Variants in AMBRA1 observed in about 807,000 individuals in gnomAD.
The protein encoded by AMBRA1 is autophagy and beclin 1 regulator 1, also known as activating molecule in BECN1-regulated autophagy protein 1.
In AMBRA1, 47 loss-of-function variants were observed where a neutral mutation model predicts 125.4. The observed-to-expected ratio is 0.37, with a 90% CI of 0.30 to 0.48. The LOEUF (loss-of-function observed/expected upper bound fraction) is 0.48, where lower values mean the gene tolerates loss of function less well. Ranked by LOEUF, AMBRA1 falls within the 20% of genes least tolerant of loss-of-function variation. The pLI is 0.99. For synonymous variants in AMBRA1, 626 were observed against 655.5 expected, an observed-to-expected ratio of 0.95 and a Z score of 0.69; for missense variants, 1,331 against 1,693.4, an observed-to-expected ratio of 0.79 and a Z score of 3.76.
At chr11:46,405,971 G>T (rs963200534) in intron 17 of AMBRA1, among the ~76,000 whole-genome samples, 1 of 151,686 alleles carries the variant, frequency 6.6e-6, no homozygotes, top group African/African-American at 2.4e-5. Flanking sequence ...GGACTCAACA[G>T]ATCCTCCTGC....
At chr11:46,481,740 C>A (rs1466255071) in intron 11 of AMBRA1, among the ~76,000 whole-genome samples, 1 of 152,306 alleles carries the variant, frequency 6.6e-6, no homozygotes, top group East Asian at 1.9e-4. Context: ...AGATCACACC[C>A]CATGGTGGTT....
intron 7 of AMBRA1, among the ~76,000 whole-genome samples, chr11:46,523,954 C>T (rs1430876119): frequency 6.6e-6 from 1 of 152,194 alleles, no homozygotes. Context: ...CCGCAACCTT[C>T]ACCTCCTGGG....
intron 11 of AMBRA1, among the ~76,000 whole-genome samples, chr11:46,479,278 T>C (rs978229905): frequency 1.2e-4 from 19 of 152,188 alleles, no homozygotes; most frequent in African/African-American, 4.6e-4. Context: ...TACTTAGTTG[T>C]GGCAGCATGT....
At chr11:46,589,937 TAAAC>T (rs1443154769) in intron 1 of AMBRA1, among the ~76,000 whole-genome samples, 1 of 151,824 alleles carries the variant, frequency 6.6e-6, no homozygotes, top group Non-Finnish European at 1.5e-5. Context: ...ATTGTCAACT[TAAAC>T]AGACAACATT....
intron 14 of AMBRA1, among the ~76,000 whole-genome samples, chr11:46,419,155 A>C (rs184286482): frequency 6.6e-6 from 1 of 152,372 alleles, no homozygotes; most frequent in East Asian, 1.9e-4. Context: ...TTTCTAGCTT[A>C]TATAAATCAC....
intron 11 of AMBRA1, 70 bp downstream of exon 11, chr11:46,493,538 A>AT: frequency 8.0e-7 from 1 of 1,253,060 alleles, no homozygotes; most frequent in Non-Finnish European, 1.1e-6. Flanking sequence ...AACATAGGTA[A>AT]AGGAGGGAGA....
At chr11:46,443,197 G>A (rs907655584) in intron 12 of AMBRA1, among the ~76,000 whole-genome samples, 1 of 152,238 alleles carries the variant, frequency 6.6e-6, no homozygotes, top group African/African-American at 2.4e-5. Context: ...AGAAGAGAAA[G>A]AGAAGGGAGT....
chr11:46,573,216 C>T (rs2043828637), intron 1 of AMBRA1, among the ~76,000 whole-genome samples: 1 of 151,690 alleles, frequency 6.6e-6, no homozygotes, highest in Admixed American at 6.6e-5. Flanking sequence ...ACCAGCCTCG[C>T]CAACATGGTG....
intron 7 of AMBRA1, among the ~76,000 whole-genome samples, chr11:46,541,437 C>A (rs1273475354): frequency 6.6e-6 from 1 of 150,736 alleles, no homozygotes; most frequent in Non-Finnish European, 1.5e-5. Context: ...ATTTTTTTTT[C>A]TTTTCCCTTT....
intron 7 of AMBRA1, among the ~76,000 whole-genome samples, chr11:46,534,336 T>C (rs1331315305): frequency 6.6e-6 from 1 of 151,360 alleles, no homozygotes; most frequent in Non-Finnish European, 1.5e-5. Context: ...TTACTAAAAA[T>C]ACAGAAAAGT....
chr11:46,568,530 T>C (rs2043624767), intron 1 of AMBRA1, among the ~76,000 whole-genome samples: 1 of 151,796 alleles, frequency 6.6e-6, no homozygotes, highest in African/African-American at 2.4e-5. Context: ...CCCACCACTT[T>C]GGGAGGCCAA....
intron 14 of AMBRA1, among the ~76,000 whole-genome samples, chr11:46,422,732 G>A (rs1000860433): frequency 2.0e-5 from 3 of 151,818 alleles, no homozygotes; most frequent in Non-Finnish European, 2.9e-5. Flanking sequence ...GCAGCAAACG[G>A]CACTGTTCAG....
At chr11:46,586,941 A>G (rs1157785109) in intron 1 of AMBRA1, among the ~76,000 whole-genome samples, 3 of 152,140 alleles carry the variant, frequency 2.0e-5, no homozygotes, top group Non-Finnish European at 4.4e-5. Context: ...CTGCAAATCA[A>G]ATGTGCTTAT....
intron 17 of AMBRA1, among the ~76,000 whole-genome samples, chr11:46,402,416 C>T (rs1012985272): frequency 3.3e-5 from 5 of 152,034 alleles, no homozygotes; most frequent in Admixed American, 2.0e-4. Context: ...GGCTGGAGTG[C>T]GGTGGCGAGA....
rs138179619 is a variant in AMBRA1 at position 46,409,815 on chromosome 11, C to T, written c.3209+461G>A. Among the ~76,000 whole-genome samples the T allele has an allele frequency of 3.1e-4, 47 of 152,356 alleles. 1 individual carries two copies. The East Asian group carries it at 6.9e-3, about 22-fold the overall frequency. ...TTATCAACAACCCAGCGCTTTGTTC[C>T]AGTCTTCATTAGTGAATTAAGTGAT... On this transcript the variant is annotated intron_variant, in intron 16 of 17. Transcript: ENST00000683756.
At chr11:46,469,686 T>G (rs1039601140) in intron 11 of AMBRA1, among the ~76,000 whole-genome samples, 5 of 152,058 alleles carry the variant, frequency 3.3e-5, no homozygotes, top group Admixed American at 6.6e-5. Flanking sequence ...TTTTTAGAGA[T>G]AGGATCTCAC....
At chr11:46,496,391 TAAAATAA>T (rs1271953409) in intron 9 of AMBRA1, among the ~76,000 whole-genome samples, 4 of 151,732 alleles carry the variant, frequency 2.6e-5, no homozygotes, top group African/African-American at 7.3e-5. Flanking sequence ...TCAAATAAAA[TAAAATAA>T]AAAATAGAAA....
intron 4 of AMBRA1, among the ~76,000 whole-genome samples, chr11:46,546,623 CAAA>C (rs199573787): frequency 3.5e-5 from 4 of 114,128 alleles, no homozygotes; most frequent in Non-Finnish European, 1.9e-5. Context: ...TAAGCTATTG[CAAA>C]AAAAAAAAAA....
Position 46,424,248 on chromosome 11 carries a change from C to CT in AMBRA1, c.2977-6197dup, listed in dbSNP as rs879679081. 6.2e-3 allele frequency among the ~76,000 whole-genome samples: 890 copies of CT among 144,654 alleles called. 6 individuals are homozygous for CT. The highest frequency in any genetic ancestry group is 7.7e-3 in the Non-Finnish European group (503 of 65,484). The allele number at this position is 144,654 out of a possible 152,430, so 94.9% of individuals were successfully genotyped here. ...AAAAAAAGGGCAAACAGCAAACAGC[C>CT]TTTTTTTTTTTTTAATTTGTTCAAA... is the stretch of plus-strand genomic sequence containing the variant. On this transcript the variant is annotated intron_variant, in intron 14 of 17. Transcript: ENST00000683756.
Sources: allele counts gnomAD v4.1 joint callset (sites outside exome capture counted in the v4.1 genomes callset), GRCh38; gene constraint gnomAD v4.1.1; transcripts MANE v1.5; gene names NCBI Gene and HGNC (gene_info 2026-07-23, HGNC 2026-07-21).